HACD3: variants seen among roughly 807,000 people sequenced by gnomAD.
The protein encoded by HACD3 is 3-hydroxyacyl-CoA dehydratase 3, also known as very-long-chain (3R)-3-hydroxyacyl-CoA dehydratase 3.
A neutral mutation model predicts 55.2 loss-of-function variants in HACD3; 30 were observed. The observed-to-expected ratio is 0.54, with a 90% CI of 0.41 to 0.74. HACD3 has a LOEUF of 0.74. HACD3 is among the 30% of genes least tolerant of loss of function. The pLI, the probability that HACD3 is intolerant of heterozygous loss-of-function variation, is 0.00. For synonymous variants in HACD3, 141 were observed against 151.7 expected, an observed-to-expected ratio of 0.93 and a Z score of 0.52; for missense variants, 363 against 440.1, an observed-to-expected ratio of 0.82 and a Z score of 1.57.
chr15:65,562,730 G>C, intron 5 of HACD3, 44 bp from the exon 6 acceptor site: 1 of 1,598,112 alleles, frequency 6.3e-7, no homozygotes, highest in South Asian at 1.1e-5. Flanking sequence ...TCTCCTGCTG[G>C]GACTATTGCT....
At chr15:65,572,862 C>T (rs2072361953) in intron 10 of HACD3, among the ~76,000 whole-genome samples, 1 of 149,034 alleles carries the variant, frequency 6.7e-6, no homozygotes, top group African/African-American at 2.5e-5. Context: ...TTGCAGTGAC[C>T]TGAGATTGCA....
intron 1 of HACD3, among the ~76,000 whole-genome samples, chr15:65,531,877 C>T (rs1170479557): frequency 6.6e-6 from 1 of 152,054 alleles, no homozygotes; most frequent in African/African-American, 2.4e-5. Flanking sequence ...CTGGAAGGTT[C>T]TTTCTACAGT....
chr15:65,549,587 G>A (rs1440115913), intron 1 of HACD3, among the ~76,000 whole-genome samples: 5 of 128,932 alleles, frequency 3.9e-5, no homozygotes, highest in East Asian at 2.2e-4. Context: ...GTGACAAAGC[G>A]AGATTCCATC....
rs564490649 is a variant in HACD3, at chr15:65,532,632, CAAAA to C, written c.87+1929_87+1932del. ...GGGCAACAAGAGTGAAACTCTGTCT[CAAAA>C]AAAAAAAAAAAAAAGTAACCATCTA... On this transcript the variant is annotated intron_variant, in intron 1 of 10. Coordinates refer to ENST00000261875, the MANE Select transcript of HACD3 (RefSeq NM_016395.4). Among the ~76,000 whole-genome samples, 23 of 66,566 alleles carry C rather than the reference CAAAA, an allele frequency of 3.5e-4. No homozygotes were observed. The East Asian group carries it at 8.9e-3, about 26-fold the overall frequency. The allele number at this position is 66,566 out of a possible 152,430, so 43.7% of individuals were successfully genotyped here.
intron 1 of HACD3, chr15:65,534,264 T>A (rs1167027187): frequency 6.6e-6 from 1 of 152,246 alleles, no homozygotes; most frequent in African/African-American, 2.4e-5. Context: ...AAGTTCCAGT[T>A]TGGAGGCATT....
intron 1 of HACD3, among the ~76,000 whole-genome samples, chr15:65,546,081 A>G (rs2072074156): frequency 6.6e-6 from 1 of 152,240 alleles, no homozygotes; most frequent in Admixed American, 6.5e-5. Flanking sequence ...AATGACAACC[A>G]GCAACAATTA....
At position 65,556,749 on chromosome 15, in the gene HACD3, A is replaced by G. The variant is rs201830295; in HGVS notation, c.215A>G (p.Lys72Arg). ...CACTTTCTCTCCTAGCCTGTTTACA[A>G]ACTGACCCAGAGGCAGGTAAACATT... ...LDLVKPEPVY[K>R]LTQRQVNITV... is the part of the protein sequence containing the mutation. Residue 72 changes from lysine (K) to arginine (R), a missense_variant, in exon 4 of 11, where the codon AAA (lysine) becomes AGA (arginine). Coordinates refer to ENST00000261875, the MANE Select transcript of HACD3 (RefSeq NM_016395.4). The G allele has an allele frequency of 6.2e-5, 100 of 1,608,516 alleles. No individual in the cohort carries two copies. The African/African-American group carries it at 6.7e-4, about 11-fold the overall frequency.
chr15:65,571,135 G>A (rs1248113034), intron 8 of HACD3, among the ~76,000 whole-genome samples: 3 of 152,108 alleles, frequency 2.0e-5, no homozygotes, highest in African/African-American at 7.2e-5. Context: ...TTTCTCAAGG[G>A]ATGTCTTTTA....
chr15:65,549,500 T>C (rs1394952899), intron 1 of HACD3, among the ~76,000 whole-genome samples: 3 of 145,656 alleles, frequency 2.1e-5, no homozygotes, highest in Non-Finnish European at 4.5e-5. Flanking sequence ...CTCGGGAGGC[T>C]GAAGCAGAAG....
At chr15:65,537,948 AAAAAAAAAAAATATATATATAT>A (rs1247447253) in intron 1 of HACD3, among the ~76,000 whole-genome samples, 925 of 68,008 alleles carry the variant, frequency 0.014, 31 homozygotes, top group Middle Eastern at 0.045. Flanking sequence ...AAAAAAAAAA[AAAAAAAAAAAATATATATATAT>A]ATATATATAT....
rs752577555 is a variant in HACD3, at chr15:65,562,585, A to G, written c.422-189A>G. 2.6e-5 allele frequency among the ~76,000 whole-genome samples: 4 copies of G among 152,080 alleles called. No individual in the cohort carries two copies. The South Asian group carries it at 6.2e-4, about 24-fold the overall frequency. ...TGCTGAAAATACATGCTGGAGAGCA[A>G]TGTTCCTTGTATGTTTCTCTGTGGG... On this transcript the variant is annotated intron_variant, in intron 5 of 10. Coordinates refer to ENST00000261875, the MANE Select transcript of HACD3 (RefSeq NM_016395.4).
rs751515526 is a variant in HACD3, at chr15:65,572,260, A to G, written c.906A>G (p.Pro302=). The G allele has an allele frequency of 8.1e-6, 13 of 1,612,778 alleles. No homozygotes were observed. The highest frequency in any genetic ancestry group is 1.0e-5 in the Non-Finnish European group (12 of 1,179,682). ...AEAVSVIQSI[P]IFNETGRFSF... is the part of the protein sequence containing the mutation. ...CTGTCTCAGTGATTCAGTCCATTCC[A>G]ATATTCAATGAGACCGGACGATTCA... Residue 302 remains proline (P), a synonymous_variant, in exon 10 of 11, where the codon CCA becomes CCG. Transcript: ENST00000261875.
At chr15:65,568,048 G>A (rs112944778) in intron 7 of HACD3, among the ~76,000 whole-genome samples, 5 of 151,322 alleles carry the variant, frequency 3.3e-5, no homozygotes, top group Non-Finnish European at 7.4e-5. Context: ...TCAGCCTCCC[G>A]AGTAGCTAGG....
intron 1 of HACD3, among the ~76,000 whole-genome samples, chr15:65,537,526 C>T (rs937134596): frequency 2.6e-5 from 4 of 151,526 alleles, no homozygotes; most frequent in African/African-American, 4.9e-5. Context: ...CATGGTGGCT[C>T]ATGTCTGTAA....
intron 3 of HACD3, 116 bp downstream of exon 3, chr15:65,555,076 T>C (rs931011656): frequency 3.7e-6 from 3 of 806,920 alleles, no homozygotes; most frequent in Non-Finnish European, 6.0e-6. Context: ...AGGGGAATAA[T>C]AGAGTTCTTT....
intron 1 of HACD3, among the ~76,000 whole-genome samples, chr15:65,546,635 C>T: frequency 6.6e-6 from 1 of 152,112 alleles, no homozygotes; most frequent in Non-Finnish European, 1.5e-5. Flanking sequence ...TGCTCTGTCA[C>T]CCAGGCTGGA....
rs750842856 is a variant in HACD3, at chr15:65,562,761, C to T, written c.422-13C>T. The T allele has an allele frequency of 6.2e-7, 1 of 1,612,662 alleles. No individual in the cohort carries two copies. Among genetic ancestry groups the T allele is most frequent in the East Asian group, 2.2e-5 (1 of 44,834 alleles). ...TTGCTTTTAATAGCTTACTGCTTTG[C>T]TTTGCTTTACAGCTCTTACAAACTT... On this transcript the variant is annotated splice_polypyrimidine_tract_variant and intron_variant, in intron 5 of 10. Coordinates refer to ENST00000261875, the MANE Select transcript of HACD3 (RefSeq NM_016395.4).
In HACD3 at chr15:65,556,889, G is replaced by A. The variant is rs2072197386; in HGVS notation, c.355G>A (p.Glu119Lys). Residue 119 changes from glutamate to lysine, a missense_variant, in exon 4 of 11, where the codon GAG becomes AAG. Physicochemically the swap from Glu to Lys is moderately conservative, Grantham distance 56. Coordinates refer to ENST00000261875, the MANE Select transcript of HACD3 (RefSeq NM_016395.4). ...GCTGGATGAATCTGATGCGGAAATG[G>A]AGCTCAGAGCTAAGGTTAGTAAGGA... is the stretch of plus-strand genomic sequence containing the variant. ...RWLDESDAEM[E>K]LRAKEEERLN... 3.7e-6 allele frequency: 6 copies of A among 1,612,264 alleles called. No homozygotes were observed. The highest frequency in any genetic ancestry group is 5.1e-6 in the Non-Finnish European group (6 of 1,179,110).
chr15:65,562,625 C>T (rs2072254462), intron 5 of HACD3, 149 bp from the exon 6 acceptor site: 9 of 982,726 alleles, frequency 9.2e-6, no homozygotes, highest in African/African-American at 3.3e-5. Flanking sequence ...GGAGCCCAGG[C>T]TGGTGAGGAC....
Sources: allele counts gnomAD v4.1 joint callset (sites outside exome capture counted in the v4.1 genomes callset), GRCh38; gene constraint gnomAD v4.1.1; transcripts MANE v1.5; gene names NCBI Gene and HGNC (gene_info 2026-07-23, HGNC 2026-07-21).